The following TECTA variants were observed in gnomAD, a reference collection of about 807,000 sequenced individuals.
TECTA encodes the protein tectorin alpha, also known as alpha-tectorin.
TECTA carries 128 observed loss-of-function variants against 216.8 expected under a neutral mutation model. The ratio of observed to expected loss-of-function variants is 0.59; its 90% CI spans 0.51 to 0.68. The LOEUF (loss-of-function observed/expected upper bound fraction) is 0.68. TECTA is among the 30% of genes least tolerant of loss of function. The pLI, the probability that TECTA is intolerant of heterozygous loss-of-function variation, is 0.00. For missense variants in TECTA, 2,551 were observed against 2,786.2 expected, an observed-to-expected ratio of 0.92 and a Z score of 1.90; for synonymous variants, 1,089 against 1,117.1, an observed-to-expected ratio of 0.97 and a Z score of 0.50.
Position 121,137,654 on chromosome 11 carries a change from A to AT in TECTA, c.3176dup (p.Phe1060LeufsTer21). ...CTTCTGGGTGGACCTGGACTGCCAG[A>AT]TCTTCTGCTATTGCAGTGGCACAGA... is the stretch of plus-strand genomic sequence containing the variant. On this transcript the variant is annotated frameshift_variant, in exon 11 of 24. Transcript: ENST00000392793. LOFTEE classifies it high-confidence loss of function. The AT allele has an allele frequency of 6.2e-7, 1 of 1,613,952 alleles. No individual in the cohort carries two copies. The highest frequency in any genetic ancestry group is 1.1e-5 in the South Asian group (1 of 91,064).
intron 20 of TECTA, among the ~76,000 whole-genome samples, chr11:121,185,563 C>T (rs954427927): frequency 2.7e-4 from 28 of 104,420 alleles, no homozygotes; most frequent in Non-Finnish European, 4.1e-4. Context: ...ATGTTGAATG[C>T]TTAATGAATG....
At chr11:121,174,008 T>G (rs1947139603) in intron 20 of TECTA, among the ~76,000 whole-genome samples, 2 of 152,274 alleles carry the variant, frequency 1.3e-5, no homozygotes, top group African/African-American at 4.8e-5. Flanking sequence ...TATTGGTGTA[T>G]AAGAATGCTT....
intron 10 of TECTA, among the ~76,000 whole-genome samples, chr11:121,136,546 G>A (rs1442492065): frequency 6.6e-6 from 1 of 152,120 alleles, no homozygotes; most frequent in Non-Finnish European, 1.5e-5. Context: ...AATAGAAGGA[G>A]GTACAAAGAG....
In TECTA at chr11:121,145,761, T is replaced by A; in HGVS notation, c.3750T>A (p.Asp1250Glu). 6.2e-7 allele frequency: 1 copy of A among 1,614,242 alleles called. No homozygotes were observed. Among genetic ancestry groups the A allele is most frequent in the Non-Finnish European group, 8.5e-7 (1 of 1,180,042 alleles). ...GCCGCTACAACGGCAACCCTGATGA[T>A]GACCTGGAGATGCCCATGGGTCTGC... ...LCGRYNGNPD[D>E]DLEMPMGLLA... Residue 1250 changes from aspartate to glutamate, a missense_variant, in exon 12 of 24, where the codon GAT (aspartate) becomes GAA (glutamate). By Grantham distance (45) the Asp-to-Glu change is conservative. Around this residue, in one of 3 missense-constraint regions of TECTA, gnomAD observed 2,375 missense variants for 2,563.9 expected, o/e 0.93. Transcript: ENST00000392793.
At chr11:121,141,056 C>G (rs1946779845) in intron 11 of TECTA, 1 of 152,174 alleles carries the variant, frequency 6.6e-6, no homozygotes, top group South Asian at 2.1e-4. Context: ...TCTTTCTAAG[C>G]AAGTTGGAAA....
At position 121,109,367 on chromosome 11, in the gene TECTA, C is replaced by A. The variant is rs376581881; in HGVS notation, c.355C>A (p.Pro119Thr). The A allele has an allele frequency of 9.9e-6, 16 of 1,614,024 alleles. No individual in the cohort carries two copies. The highest frequency in any genetic ancestry group is 4.0e-5 in the African/African-American group (3 of 74,900). The change falls in exon 4 of 24, where the codon CCT becomes ACT. Residue 119 changes from proline (P) to threonine (T), a missense_variant. By Grantham distance (38) the Pro-to-Thr change is conservative. Coordinates refer to ENST00000392793, the MANE Select transcript of TECTA (RefSeq NM_005422.4). The stretch of plus-strand genomic sequence containing the variant: ...GATCTATTACAGAGAGACCATGGAG[C>A]CTGCCATCTTGAAAAGAGCCACCAA... ...GEIYYRETME[P>T]AILKRATKDI...
intron 8 of TECTA, among the ~76,000 whole-genome samples, chr11:121,126,328 G>A (rs1283904467): frequency 1.3e-5 from 2 of 152,200 alleles, no homozygotes; most frequent in Non-Finnish European, 2.9e-5. Context: ...GACCCTTAAG[G>A]GTTTGTGCCC....
Position 121,162,228 on chromosome 11 carries a change from C to G in TECTA, c.5130C>G (p.Pro1710=), listed in dbSNP as rs1947007800. 1 of 1,614,178 alleles carries G rather than the reference C, an allele frequency of 6.2e-7. No individual in the cohort carries two copies. The highest frequency in any genetic ancestry group is 8.5e-7 in the Non-Finnish European group (1 of 1,180,050). The stretch of plus-strand genomic sequence containing the variant: ...AGCCCTGCTATGGGCTTCTCGATCC[C>G]CTCCCATTCTACGAGTCCTGCTACC... ...FFQPCYGLLD[P]LPFYESCYLD... is the part of the protein sequence containing the mutation. Residue 1710 remains proline (P), a synonymous_variant, in exon 16 of 24, where the codon CCC becomes CCG. Transcript: ENST00000392793.
chr11:121,179,796 C>A (rs974931337), intron 20 of TECTA, among the ~76,000 whole-genome samples: 4 of 152,022 alleles, frequency 2.6e-5, no homozygotes, highest in African/African-American at 9.7e-5. Flanking sequence ...CTTTTTACAG[C>A]CTTTGACTTA....
At chr11:121,115,172 T>TCCAC (rs1265573396) in intron 6 of TECTA, among the ~76,000 whole-genome samples, 2 of 145,088 alleles carry the variant, frequency 1.4e-5, no homozygotes, top group African/African-American at 2.6e-5. Flanking sequence ...CACCCATCCA[T>TCCAC]CCACCTACCC....
chr11:121,168,279 T>A, intron 19 of TECTA, 62 bp downstream of exon 19: 1 of 1,602,282 alleles, frequency 6.2e-7, no homozygotes, highest in Non-Finnish European at 8.5e-7. Context: ...AAGGTTAGCA[T>A]AATCAAAATT....
intron 12 of TECTA, among the ~76,000 whole-genome samples, chr11:121,150,111 C>T (rs1946875545): frequency 6.6e-6 from 1 of 151,998 alleles, no homozygotes; most frequent in African/African-American, 2.4e-5. Context: ...ACAAGTTAAA[C>T]AAATAAATAA....
intron 10 of TECTA, among the ~76,000 whole-genome samples, chr11:121,136,543 G>A (rs1946729049): frequency 6.6e-6 from 1 of 152,196 alleles, no homozygotes; most frequent in Admixed American, 6.5e-5. Context: ...TGTAATAGAA[G>A]GAGGTACAAA....
In TECTA at chr11:121,118,713, G is replaced by C; in HGVS notation, c.1198G>C (p.Val400Leu). The stretch of plus-strand genomic sequence containing the variant: ...CATCCCCAAAGGAAGCTATGGAAGA[G>C]TCAAGGTGAGCCCCTTTCTATCCTT... Reference protein sequence around the residue: ...ILIPKGSYGRVKVNDLVTSLP... With the variant: ...ILIPKGSYGRLKVNDLVTSLP... The change falls in exon 7 of 24, where the codon GTC (valine) becomes CTC (leucine). Residue 400 changes from valine to leucine, a missense_variant. Transcript: ENST00000392793. 1 of 1,613,674 alleles carries C rather than the reference G, an allele frequency of 6.2e-7. No individual in the cohort carries two copies. Among genetic ancestry groups the C allele is most frequent in the East Asian group, 2.2e-5 (1 of 44,892 alleles).
rs753896285 is a variant in TECTA at position 121,130,157 on chromosome 11, G to A, written c.2887G>A (p.Ala963Thr). ...LCDSVARYAS[A>T]CKNADVEVGP... ...TGACTCTGTGGCCCGGTATGCAAGC[G>A]CCTGCAAGAATGCGGACGTGGAGGT... Residue 963 changes from alanine to threonine, a missense_variant, in exon 10 of 24, where the codon GCC (alanine) becomes ACC (threonine). Ala to Thr is a moderately conservative substitution (Grantham distance 58). This residue lies in a region of TECTA where 2,375 missense variants were observed against 2,563.9 expected (regional missense o/e 0.93). Transcript: ENST00000392793. The A allele has an allele frequency of 1.4e-5, 23 of 1,607,148 alleles. No homozygotes were observed. The highest frequency in any genetic ancestry group is 2.2e-5 in the East Asian group (1 of 44,886).
At chr11:121,181,422 C>A (rs1555131188) in intron 20 of TECTA, among the ~76,000 whole-genome samples, 1 of 149,152 alleles carries the variant, frequency 6.7e-6, no homozygotes, top group Non-Finnish European at 1.5e-5. Context: ...TCATAGATTT[C>A]TTTTTTTGTT....
intron 2 of TECTA, among the ~76,000 whole-genome samples, 179 bp downstream of exon 2, chr11:121,102,908 C>T (rs1946359806): frequency 6.6e-6 from 1 of 152,182 alleles, no homozygotes; most frequent in South Asian, 2.1e-4. Context: ...ATGAGGTTTA[C>T]TTATATTCCC....
intron 20 of TECTA, among the ~76,000 whole-genome samples, chr11:121,180,574 T>A (rs895832043): frequency 6.6e-6 from 1 of 152,190 alleles, no homozygotes; most frequent in African/African-American, 2.4e-5. Context: ...TCACTTTGAG[T>A]GTAATATGCC....
rs754213928 is a variant in TECTA, at chr11:121,165,372, C to A, written c.5372C>A (p.Pro1791His). 5 of 1,589,400 alleles carry A rather than the reference C, an allele frequency of 3.1e-6. No homozygotes were observed. Among genetic ancestry groups the A allele is most frequent in the Admixed American group, 3.5e-5 (2 of 56,786 alleles). ...RELCGCIEPP[P>H]YGNNSHDIID... ...CTGTGTGGCTGCATCGAGCCACCCC[C>A]CTATGGAAATAGTGAGTGACATGGG... The change falls in exon 17 of 24, where the codon CCC becomes CAC. Residue 1791 changes from proline (P) to histidine (H), a missense_variant. Coordinates refer to ENST00000392793, the MANE Select transcript of TECTA (RefSeq NM_005422.4).
Sources: gnomAD v4.1 joint callset for allele counts (sites outside exome capture counted in the v4.1 genomes callset) on GRCh38, gnomAD v4.1.1 for gene constraint, gnomAD v4.1.1 regional missense constraint, MANE v1.5 for transcripts, NCBI Gene and HGNC (gene_info 2026-07-23, HGNC 2026-07-21) for gene names.